MYO3B: variants seen among roughly 807,000 people sequenced by gnomAD.
MYO3B encodes myosin IIIB, also known as myosin-IIIb.
Under a neutral mutation model 174.6 loss-of-function variants are expected in MYO3B, and 156 were observed. The ratio of observed to expected loss-of-function variants is 0.89; its 90% CI spans 0.78 to 1.02. The LOEUF is 1.02. Ranked by LOEUF, MYO3B falls within the 50% of genes least tolerant of loss-of-function variation. The pLI is 0.00. For missense variants in MYO3B, 1,632 were observed against 1,639.4 expected, an observed-to-expected ratio of 1.00 and a Z score of 0.08; for synonymous variants, 563 against 569.1, an observed-to-expected ratio of 0.99 and a Z score of 0.15.
chr2:170,234,157 T>G (rs4028665), intron 6 of MYO3B, among the ~76,000 whole-genome samples: 5,530 of 115,746 alleles, frequency 0.048, 214 homozygotes, highest in African/African-American at 0.098. Flanking sequence ...GGCGACAGAG[T>G]GAGACTCCGT....
chr2:170,561,183 G>A lies in MYO3B; in HGVS notation c.3733+17195G>A, dbSNP rs191261660. Among the ~76,000 whole-genome samples the A allele has an allele frequency of 3.2e-3, 483 of 152,226 alleles. 2 individuals are homozygous for A. Among genetic ancestry groups the A allele is most frequent in the African/African-American group, 0.01 (436 of 41,542 alleles). ...TCTATTTAACACTGGGAGGGCACTG[G>A]GAAACAGTCCATTATGTTGTCTCTC... On this transcript the variant is annotated intron_variant, in intron 32 of 34. Coordinates refer to ENST00000408978, the MANE Select transcript of MYO3B (RefSeq NM_138995.5).
intron 32 of MYO3B, among the ~76,000 whole-genome samples, chr2:170,616,998 C>A (rs1695507614): frequency 6.6e-6 from 1 of 152,176 alleles, no homozygotes; most frequent in Non-Finnish European, 1.5e-5. Context: ...ACTCATAATT[C>A]TACCTCCCAT....
At chr2:170,618,662 T>C (rs1695623276) in intron 32 of MYO3B, among the ~76,000 whole-genome samples, 1 of 152,152 alleles carries the variant, frequency 6.6e-6, no homozygotes, top group South Asian at 2.1e-4. Context: ...CACCGCCTTC[T>C]GGTCCCATGG....
intron 25 of MYO3B, among the ~76,000 whole-genome samples, chr2:170,471,716 G>T (rs971069340): frequency 1.3e-5 from 2 of 152,100 alleles, no homozygotes; most frequent in Admixed American, 6.5e-5. Flanking sequence ...CCAGGCCGGG[G>T]CGCAGTGGCT....
At chr2:170,318,103 T>G (rs1345177959) in intron 7 of MYO3B, among the ~76,000 whole-genome samples, 2 of 152,218 alleles carry the variant, frequency 1.3e-5, no homozygotes, top group African/African-American at 4.8e-5. Context: ...TAGGGTCATT[T>G]TGAGGATTGA....
chr2:170,436,165 C>A (rs1249045357), intron 22 of MYO3B, among the ~76,000 whole-genome samples: 1 of 152,132 alleles, frequency 6.6e-6, no homozygotes, highest in Non-Finnish European at 1.5e-5. Flanking sequence ...TTTCTCCTTC[C>A]AACACAGGAC....
In MYO3B at chr2:170,544,033, T is replaced by C. The variant is rs775821673; in HGVS notation, c.3733+45T>C. 3.8e-5 allele frequency: 54 copies of C among 1,437,650 alleles called. No homozygotes were observed. The Admixed American group carries it at 7.5e-4, about 20-fold the overall frequency. 89.1% of individuals were successfully genotyped at this position (1,437,650 alleles called of 1,614,324 possible). ...TTGCATGCGGCTTCTACCATTTGCA[T>C]GTTTGTGTACTTTTTAGTGTGTTGT... On this transcript the variant is annotated intron_variant, in intron 32 of 34. Transcript: ENST00000408978.
At chr2:170,456,734 T>C (rs1317074562) in intron 23 of MYO3B, among the ~76,000 whole-genome samples, 1 of 152,228 alleles carries the variant, frequency 6.6e-6, no homozygotes, top group African/African-American at 2.4e-5. Flanking sequence ...CTAATGTTAT[T>C]TGTTATATGT....
At position 170,241,824 on chromosome 2, in the gene MYO3B, A is replaced by AT. The variant is rs923033549; in HGVS notation, c.749+5699dup. ...GGCTAAATTTTTATCTTACATAGGC[A>AT]TTTTTTTTTTTAAGATTCCTTTTGA... On this transcript the variant is annotated intron_variant, in intron 7 of 34. Transcript: ENST00000408978. Among the ~76,000 whole-genome samples the AT allele has an allele frequency of 2.4e-3, 350 of 146,698 alleles. 3 individuals carry two copies. The highest frequency in any genetic ancestry group is 3.9e-3 in the Non-Finnish European group (257 of 66,210).
At chr2:170,610,108 G>A (rs958170033) in intron 32 of MYO3B, among the ~76,000 whole-genome samples, 9 of 152,156 alleles carry the variant, frequency 5.9e-5, no homozygotes, top group African/African-American at 2.2e-4. Context: ...AGGCCAAGGC[G>A]GGTGGTTCAC....
intron 7 of MYO3B, among the ~76,000 whole-genome samples, chr2:170,258,141 A>T (rs1328292234): frequency 2.6e-5 from 4 of 152,152 alleles, no homozygotes; most frequent in African/African-American, 7.2e-5. Context: ...ATTCTACCAG[A>T]CAGACAAAGA....
At chr2:170,480,417 C>G (rs1204121148) in intron 25 of MYO3B, among the ~76,000 whole-genome samples, 1 of 152,204 alleles carries the variant, frequency 6.6e-6, no homozygotes, top group Non-Finnish European at 1.5e-5. Context: ...GGCATGGAAG[C>G]TCTGCACCCT....
At chr2:170,183,836 G>A (rs1276569853) in intron 1 of MYO3B, among the ~76,000 whole-genome samples, 1 of 151,976 alleles carries the variant, frequency 6.6e-6, no homozygotes, top group African/African-American at 2.4e-5. Context: ...TTTCTGTGCT[G>A]TTTAAATGCT....
chr2:170,587,626 C>G (rs1314455786), intron 32 of MYO3B, among the ~76,000 whole-genome samples: 1 of 152,166 alleles, frequency 6.6e-6, no homozygotes, highest in Non-Finnish European at 1.5e-5. Context: ...GGGTCTGTAT[C>G]ACATATAGAG....
At chr2:170,445,729 G>T (rs975731446) in intron 23 of MYO3B, among the ~76,000 whole-genome samples, 4 of 151,968 alleles carry the variant, frequency 2.6e-5, no homozygotes, top group African/African-American at 9.7e-5. Context: ...TGAATTTCTG[G>T]CTTCAAGGAT....
intron 9 of MYO3B, among the ~76,000 whole-genome samples, chr2:170,370,041 A>G (rs1372088913): frequency 1.3e-5 from 2 of 152,186 alleles, no homozygotes; most frequent in Admixed American, 6.5e-5. Context: ...TGCTTTAAAC[A>G]GTATTCCCTG....
intron 32 of MYO3B, among the ~76,000 whole-genome samples, chr2:170,632,633 A>G (rs1051218462): frequency 1.3e-5 from 2 of 152,154 alleles, no homozygotes; most frequent in African/African-American, 2.4e-5. Context: ...AACTAAGATC[A>G]GAGGAGAACT....
intron 32 of MYO3B, among the ~76,000 whole-genome samples, chr2:170,639,539 G>A (rs990799096): frequency 6.6e-6 from 1 of 152,188 alleles, no homozygotes; most frequent in African/African-American, 2.4e-5. Flanking sequence ...ATAGAAAGAT[G>A]CTACATGATG....
chr2:170,333,309 G>A (rs2093924861), intron 7 of MYO3B, among the ~76,000 whole-genome samples: 2 of 152,114 alleles, frequency 1.3e-5, no homozygotes, highest in Non-Finnish European at 2.9e-5. Flanking sequence ...CTTATGTGAT[G>A]GTGGTACTAG....
Sources: allele counts gnomAD v4.1 joint callset (sites outside exome capture counted in the v4.1 genomes callset), GRCh38; gene constraint gnomAD v4.1.1; transcripts MANE v1.5; gene names NCBI Gene and HGNC (gene_info 2026-07-23, HGNC 2026-07-21).